The following CAB39 variants were observed in gnomAD, a reference collection of about 807,000 sequenced individuals.
The protein encoded by CAB39 is calcium-binding protein 39.
Under a neutral mutation model 40.0 loss-of-function variants are expected in CAB39, and 8 were observed. The ratio of observed to expected loss-of-function variants is 0.20; its 90% CI spans 0.12 to 0.36. The LOEUF is 0.36. Ranked by LOEUF, CAB39 falls within the 10% of genes least tolerant of loss-of-function variation. The probability of loss-of-function intolerance (pLI) is 1.00; values close to 1 mark genes in which losing one functional copy is unlikely to be tolerated. For synonymous variants in CAB39, 156 were observed against 141.6 expected, an observed-to-expected ratio of 1.10 and a Z score of -0.72; for missense variants, 270 against 401.1, an observed-to-expected ratio of 0.67 and a Z score of 2.79.
chr2:230,783,513 C>T (rs895694325), intron 2 of CAB39, among the ~76,000 whole-genome samples: 1 of 149,356 alleles, frequency 6.7e-6, no homozygotes, highest in African/African-American at 2.5e-5. Flanking sequence ...CTCGCTCTGC[C>T]ATCCAGGCAG....
At chr2:230,724,152 C>T (rs972759877) in intron 1 of CAB39, among the ~76,000 whole-genome samples, 6 of 151,198 alleles carry the variant, frequency 4.0e-5, no homozygotes, top group African/African-American at 1.2e-4. Flanking sequence ...GAGGCTGAGG[C>T]ATAAGAATTG....
At chr2:230,797,241 A>T (rs1440741286) in intron 4 of CAB39, among the ~76,000 whole-genome samples, 1 of 152,214 alleles carries the variant, frequency 6.6e-6, no homozygotes, top group Non-Finnish European at 1.5e-5. Context: ...TTGAAGCCTG[A>T]CATTGAAGTT....
chr2:230,790,356 T>G (rs1234305038), intron 2 of CAB39, among the ~76,000 whole-genome samples: 1 of 152,346 alleles, frequency 6.6e-6, no homozygotes, highest in East Asian at 1.9e-4. Context: ...CTTTAGTGAC[T>G]TTATATCTAT....
chr2:230,755,282 C>A (rs879329203), intron 1 of CAB39, among the ~76,000 whole-genome samples: 1 of 152,144 alleles, frequency 6.6e-6, no homozygotes, highest in Non-Finnish European at 1.5e-5. Flanking sequence ...CTCTGATTAC[C>A]GCATCCATTC....
At position 230,746,146 on chromosome 2, in the gene CAB39, AC is replaced by A. The variant is rs1694972260; in HGVS notation, c.-43-13812del. ...CTTGATTTATGTGTAAGATGACAGA[AC>A]AAGTAAGTACAAAAAGTAGAATCTG... On this transcript the variant is annotated intron_variant, in intron 1 of 8. Coordinates refer to ENST00000258418, the MANE Select transcript of CAB39 (RefSeq NM_016289.4). Among the ~76,000 whole-genome samples, 3 of 152,312 alleles carry A rather than the reference AC, an allele frequency of 2.0e-5. No individual in the cohort carries two copies. In the South Asian group the frequency reaches 6.2e-4, roughly 32 times the overall value.
intron 1 of CAB39, among the ~76,000 whole-genome samples, chr2:230,753,387 G>T (rs938903835): frequency 2.0e-5 from 3 of 152,144 alleles, no homozygotes; most frequent in Non-Finnish European, 2.9e-5. Context: ...TTAGAATCCT[G>T]TCACTGTCTG....
chr2:230,764,438 A>G (rs1334783690), intron 2 of CAB39, among the ~76,000 whole-genome samples: 2 of 152,200 alleles, frequency 1.3e-5, no homozygotes, highest in African/African-American at 4.8e-5. Context: ...TTGACTTAAC[A>G]ATATTTTCAA....
intron 5 of CAB39, among the ~76,000 whole-genome samples, chr2:230,807,338 T>C (rs950490435): frequency 6.6e-6 from 1 of 152,096 alleles, no homozygotes; most frequent in African/African-American, 2.4e-5. Flanking sequence ...TCTCCTCCTT[T>C]TCCCAGCTTA....
chr2:230,734,065 C>A (rs1694742287), intron 1 of CAB39, among the ~76,000 whole-genome samples: 1 of 152,122 alleles, frequency 6.6e-6, no homozygotes, highest in Non-Finnish European at 1.5e-5. Context: ...CCAGTTTGGC[C>A]CTCTAAAAGG....
chr2:230,746,279 G>A (rs533040810), intron 1 of CAB39, among the ~76,000 whole-genome samples: 1 of 152,288 alleles, frequency 6.6e-6, no homozygotes, highest in Admixed American at 6.5e-5. Flanking sequence ...TACCATGGGA[G>A]CTAGAGAAAG....
intron 1 of CAB39, among the ~76,000 whole-genome samples, chr2:230,753,738 C>T (rs1311385863): frequency 7.8e-6 from 1 of 128,050 alleles, no homozygotes; most frequent in African/African-American, 3.0e-5. Flanking sequence ...AGCAAGACTC[C>T]ATCTCAAAAA....
intron 5 of CAB39, among the ~76,000 whole-genome samples, chr2:230,809,913 T>TTGTTTTTG (rs1696275105): frequency 6.6e-6 from 1 of 152,200 alleles, no homozygotes; most frequent in African/African-American, 2.4e-5. Flanking sequence ...ACTGTTAGCT[T>TTGTTTTTG]TGTTTTTGTG....
At chr2:230,772,307 A>G (rs1314826776) in intron 2 of CAB39, among the ~76,000 whole-genome samples, 1 of 152,220 alleles carries the variant, frequency 6.6e-6, no homozygotes, top group Non-Finnish European at 1.5e-5. Flanking sequence ...AAGCCCTTGA[A>G]AAGATGTTAA....
At chr2:230,748,931 C>T (rs1375198533) in intron 1 of CAB39, among the ~76,000 whole-genome samples, 1 of 129,366 alleles carries the variant, frequency 7.7e-6, no homozygotes, top group Non-Finnish European at 1.6e-5. Context: ...AAGAACTTTC[C>T]CTTGTCATCT....
intron 1 of CAB39, among the ~76,000 whole-genome samples, chr2:230,722,543 T>A (rs1250709098): frequency 6.6e-6 from 1 of 152,224 alleles, no homozygotes; most frequent in Non-Finnish European, 1.5e-5. Flanking sequence ...GATTTAAACC[T>A]TGGTTGTGTG....
Position 230,810,294 on chromosome 2 carries a change from C to A in CAB39, c.599C>A (p.Ala200Glu). The A allele has an allele frequency of 7.0e-7, 1 of 1,438,334 alleles. No homozygotes were observed. Among genetic ancestry groups the A allele is most frequent in the Non-Finnish European group, 9.5e-7 (1 of 1,048,366 alleles). The allele number at this position is 1,438,334 out of a possible 1,614,324, so 89.1% of individuals were successfully genotyped here. Reference sequence around the variant, plus strand: ...CTTACAAGACATAAATTGCTCAGTGCAGAATTTTTGGAACAGCATTATGAT... The same window carrying A: ...CTTACAAGACATAAATTGCTCAGTGAAGAATTTTTGGAACAGCATTATGAT... ...DLLTRHKLLS[A>E]EFLEQHYDRF... The change falls in exon 6 of 9, where the codon GCA becomes GAA. Residue 200 changes from alanine (A) to glutamate (E), a missense_variant. Physicochemically the swap from Ala to Glu is moderately radical, Grantham distance 107. Transcript: ENST00000258418.
At chr2:230,806,789 T>C (rs570166038) in intron 5 of CAB39, among the ~76,000 whole-genome samples, 3 of 152,160 alleles carry the variant, frequency 2.0e-5, no homozygotes, top group South Asian at 2.1e-4. Context: ...ACTGGAAAAA[T>C]TGAGTTTCTT....
At chr2:230,815,792 A>G (rs1221306240) in intron 7 of CAB39, among the ~76,000 whole-genome samples, 2 of 152,172 alleles carry the variant, frequency 1.3e-5, no homozygotes, top group Admixed American at 6.5e-5. Context: ...CCTGCAGTTT[A>G]TGTTAGCGGT....
chr2:230,794,814 G>C (rs760292753), intron 4 of CAB39, among the ~76,000 whole-genome samples: 2 of 147,248 alleles, frequency 1.4e-5, no homozygotes, highest in Non-Finnish European at 3.0e-5. Context: ...TCTAGTCCTT[G>C]CCCCCTTTTT....
Sources: allele counts gnomAD v4.1 joint callset (sites outside exome capture counted in the v4.1 genomes callset), GRCh38; gene constraint gnomAD v4.1.1; transcripts MANE v1.5; gene names NCBI Gene and HGNC (gene_info 2026-07-23, HGNC 2026-07-21).